KCNE1: variants seen among roughly 807,000 people sequenced by gnomAD.
KCNE1 encodes potassium voltage-gated channel subfamily E regulatory subunit 1.
Under a neutral mutation model 2.9 loss-of-function variants are expected in KCNE1, and 1 was observed. That is an observed-to-expected ratio of 0.34 (90% CI 0.12 to 1.62). The LOEUF (loss-of-function observed/expected upper bound fraction) is 1.62. KCNE1 is among the 40% of genes most tolerant of loss of function. KCNE1 has a pLI of 0.36. For missense variants in KCNE1, 45 were observed against 150.5 expected (o/e 0.30, Z 3.67); for synonymous variants, 23 against 65.4 (o/e 0.35, Z 3.13).
intron 2 of KCNE1, among the ~76,000 whole-genome samples, chr21:34,505,818 C>T (rs955432128): frequency 8.5e-5 from 13 of 152,206 alleles, no homozygotes; most frequent in African/African-American, 3.1e-4. Flanking sequence ...GTAGCTCAAA[C>T]GAGGCCAGAC....
chr21:34,506,304 T>C (rs1204704918), intron 2 of KCNE1, among the ~76,000 whole-genome samples: 3 of 152,220 alleles, frequency 2.0e-5, no homozygotes, highest in Non-Finnish European at 4.4e-5. Flanking sequence ...CGTGGTTTCT[T>C]GCTTCAGCTT....
intron 2 of KCNE1, among the ~76,000 whole-genome samples, chr21:34,503,623 T>C (rs1983299791): frequency 6.6e-6 from 1 of 152,184 alleles, no homozygotes; most frequent in Non-Finnish European, 1.5e-5. Flanking sequence ...AGAGGACTCA[T>C]CCACCCATTA....
At chr21:34,511,962 C>G (rs1983854787) in intron 1 of KCNE1, 65 bp downstream of exon 1, 1 of 152,434 alleles carries the variant, frequency 6.6e-6, no homozygotes, top group Non-Finnish European at 1.5e-5. Flanking sequence ...TTCCCCTGAC[C>G]AGGGTGGACA....
At chr21:34,507,342 T>G (rs1271806992) in intron 2 of KCNE1, among the ~76,000 whole-genome samples, 1 of 152,108 alleles carries the variant, frequency 6.6e-6, no homozygotes, top group African/African-American at 2.4e-5. Flanking sequence ...TGAGTCACTG[T>G]GTGGACAGGC....
intron 2 of KCNE1, among the ~76,000 whole-genome samples, chr21:34,504,257 G>C (rs941409051): frequency 2.6e-5 from 4 of 152,160 alleles, no homozygotes; most frequent in Non-Finnish European, 4.4e-5. Context: ...GAGAAGGTAG[G>C]ATGTTGCACA....
At chr21:34,511,663 A>C (rs140241429) in intron 1 of KCNE1, among the ~76,000 whole-genome samples, 1 of 152,360 alleles carries the variant, frequency 6.6e-6, no homozygotes, top group Non-Finnish European at 1.5e-5. Context: ...TTGCCAAGAC[A>C]GCCAGCTTAT....
intron 2 of KCNE1, among the ~76,000 whole-genome samples, chr21:34,504,129 C>A (rs532655859): frequency 7.2e-5 from 11 of 152,302 alleles, no homozygotes; most frequent in Non-Finnish European, 1.5e-4. Context: ...CATCAATGGG[C>A]ACAGGGCCTT....
At chr21:34,497,118 C>T (rs1004005599) in intron 2 of KCNE1, among the ~76,000 whole-genome samples, 2 of 152,098 alleles carry the variant, frequency 1.3e-5, no homozygotes, top group Non-Finnish European at 2.9e-5. Context: ...ATCTATTCTT[C>T]CATTCTGTAT....
At chr21:34,501,243 C>T (rs533428284) in intron 2 of KCNE1, among the ~76,000 whole-genome samples, 9 of 152,234 alleles carry the variant, frequency 5.9e-5, no homozygotes, top group Non-Finnish European at 4.4e-5. Context: ...GAGAGTAGGA[C>T]CGGGTAAGTC....
At chr21:34,499,230 T>G (rs111696918) in intron 2 of KCNE1, among the ~76,000 whole-genome samples, 11 of 152,176 alleles carry the variant, frequency 7.2e-5, no homozygotes, top group Non-Finnish European at 1.3e-4. Flanking sequence ...CCGATCTTGC[T>G]CCTTCTGTAT....
intron 2 of KCNE1, among the ~76,000 whole-genome samples, chr21:34,499,607 C>G (rs1038608462): frequency 6.6e-6 from 1 of 152,342 alleles, no homozygotes; most frequent in East Asian, 1.9e-4. Flanking sequence ...AGGCTCTTCC[C>G]ACTGCTGCTT....
At chr21:34,502,902 C>G in intron 2 of KCNE1, among the ~76,000 whole-genome samples, 1 of 152,150 alleles carries the variant, frequency 6.6e-6, no homozygotes, top group South Asian at 2.1e-4. Flanking sequence ...ATAGCATAAG[C>G]CTACAGTGCT....
At chr21:34,481,523 T>C (rs1982395133) in intron 2 of KCNE1, among the ~76,000 whole-genome samples, 1 of 14,456 alleles carries the variant, frequency 6.9e-5, no homozygotes, top group South Asian at 2.3e-3. Context: ...ATCCCAAAGT[T>C]TCCTTGAAGA....
intron 2 of KCNE1, chr21:34,509,902 C>G (rs1359946256): frequency 6.6e-6 from 1 of 152,164 alleles, no homozygotes; most frequent in Non-Finnish European, 1.5e-5. Context: ...TTCTGATCCT[C>G]TTTCTCCTCC....
rs756569224 is a variant in KCNE1 at position 34,449,564 on chromosome 21, C to T, written c.71G>A (p.Gly24Asp). ...GCGGGCCAGGCCCGACATGTTGCCACCCTGCTGAACTGTCTCCTGCCACAG... is the reference window on the plus strand; with the variant it reads ...GCGGGCCAGGCCCGACATGTTGCCATCCTGCTGAACTGTCTCCTGCCACAG... ...TKLWQETVQQ[G>D]GNMSGLARRS... The change falls in exon 4 of 4, where the codon GGT becomes GAT. Residue 24 changes from glycine to aspartate, a missense_variant. By Grantham distance (94) the Gly-to-Asp change is moderately conservative (BLOSUM62 -1). Coordinates refer to ENST00000399286, the MANE Select transcript of KCNE1 (RefSeq NM_000219.6). 9.9e-7 allele frequency: 1 copy of T among 1,010,584 alleles called. No homozygotes were observed. Among genetic ancestry groups the T allele is most frequent in the Admixed American group, 2.3e-5 (1 of 44,178 alleles). 62.6% of individuals were successfully genotyped at this position (1,010,584 alleles called of 1,614,324 possible).
At chr21:34,497,936 G>A (rs989737825) in intron 2 of KCNE1, among the ~76,000 whole-genome samples, 1 of 150,762 alleles carries the variant, frequency 6.6e-6, no homozygotes, top group African/African-American at 2.4e-5. Context: ...TCTTGCCTTC[G>A]AGCTCTGAAG....
intron 2 of KCNE1, among the ~76,000 whole-genome samples, chr21:34,495,497 A>C (rs537994344): frequency 1.4e-5 from 1 of 70,492 alleles, no homozygotes; most frequent in African/African-American, 5.7e-5. Flanking sequence ...CTGTGAATCC[A>C]TCTGGTCCTG....
At chr21:34,509,656 C>T (rs1200960080) in intron 2 of KCNE1, 1 of 152,126 alleles carries the variant, frequency 6.6e-6, no homozygotes, top group Admixed American at 6.6e-5. Flanking sequence ...AGGGTTTCAC[C>T]ACATTAGCCA....
At chr21:34,501,784 C>G (rs1263436212) in intron 2 of KCNE1, among the ~76,000 whole-genome samples, 7 of 152,196 alleles carry the variant, frequency 4.6e-5, no homozygotes, top group African/African-American at 1.7e-4. Context: ...ATACTATGAT[C>G]TCACCCCTAG....
Sources: allele counts gnomAD v4.1 joint callset (sites outside exome capture counted in the v4.1 genomes callset), GRCh38; gene constraint gnomAD v4.1.1; transcripts MANE v1.5; gene names NCBI Gene and HGNC (gene_info 2026-07-23, HGNC 2026-07-21).